The following PPFIA4 variants were observed in gnomAD, a reference collection of about 807,000 sequenced individuals.
PPFIA4 encodes PPFI scaffold protein A4.
Under a neutral mutation model 145.7 loss-of-function variants are expected in PPFIA4, and 98 were observed. The observed-to-expected ratio is 0.67, with a 90% CI of 0.57 to 0.80. The LOEUF (loss-of-function observed/expected upper bound fraction) is 0.80. PPFIA4 is among the 30% of genes least tolerant of loss of function. The pLI, the probability that PPFIA4 is intolerant of heterozygous loss-of-function variation, is 0.00. For missense variants in PPFIA4, 1,457 were observed against 1,632.7 expected (o/e 0.89, Z 1.85); for synonymous variants, 628 against 649.6 (o/e 0.97, Z 0.51).
chr1:203,062,348 C>T (rs1158222645), intron 24 of PPFIA4, among the ~76,000 whole-genome samples: 8 of 151,176 alleles, frequency 5.3e-5, no homozygotes, highest in East Asian at 3.9e-4. Flanking sequence ...GGCATGGTGG[C>T]GGGCGCCTGT....
intron 19 of PPFIA4, among the ~76,000 whole-genome samples, chr1:203,057,616 A>C (rs1661065372): frequency 6.6e-6 from 1 of 152,220 alleles, no homozygotes; most frequent in Non-Finnish European, 1.5e-5. Context: ...TTGTTCCACA[A>C]ACATTTATTG....
At chr1:203,061,098 G>A in intron 23 of PPFIA4, 66 bp downstream of exon 23, 21 of 1,493,890 alleles carry the variant, frequency 1.4e-5, no homozygotes, top group South Asian at 2.3e-5. Context: ...ATGAGGATGA[G>A]GGGAAGGCTG....
At position 203,026,495 on chromosome 1, in the gene PPFIA4, C is replaced by A. The variant is rs1658378604; in HGVS notation, c.-534C>A. The A allele has an allele frequency of 6.6e-6, 1 of 152,204 alleles. No individual in the cohort carries two copies. The highest frequency in any genetic ancestry group is 2.4e-5 in the African/African-American group (1 of 41,434). 9.4% of individuals were successfully genotyped at this position (152,204 alleles called of 1,614,324 possible). A position where few individuals can be genotyped will look rare whatever the true frequency, so the allele number is the denominator to read the frequency against. ...GGAGGAAGGGGGCGGGGCCCCGCGG[C>A]CGCGCGCTTGGGCGGCGGAGGCTGC... On this transcript the variant is annotated 5_prime_UTR_variant, in exon 1 of 30. Transcript: ENST00000295706.
At position 203,038,991 on chromosome 1, in the gene PPFIA4, G is replaced by T; in HGVS notation, c.-18G>T. ...CTCCCTGTCCCCTGACGCTGAGAAGGCCCTGCCAACCCCCACCATGTGTGA... is the reference window on the plus strand; with the variant it reads ...CTCCCTGTCCCCTGACGCTGAGAAGTCCCTGCCAACCCCCACCATGTGTGA... On this transcript the variant is annotated 5_prime_UTR_variant, in exon 2 of 30. Transcript: ENST00000295706. The T allele has an allele frequency of 7.3e-7, 1 of 1,372,118 alleles. No individual in the cohort carries two copies. Among genetic ancestry groups the T allele is most frequent in the Non-Finnish European group, 9.9e-7 (1 of 1,005,660 alleles). The allele number at this position is 1,372,118 out of a possible 1,614,324, so 85.0% of individuals were successfully genotyped here.
At chr1:203,049,337 G>A (rs561264809) in intron 12 of PPFIA4, among the ~76,000 whole-genome samples, 68 of 152,304 alleles carry the variant, frequency 4.5e-4, no homozygotes, top group African/African-American at 1.6e-3. Flanking sequence ...TGTCTGTGAG[G>A]TCTGAGGGGG....
intron 24 of PPFIA4, among the ~76,000 whole-genome samples, chr1:203,062,774 A>G (rs1661483197): frequency 6.6e-6 from 1 of 152,198 alleles, no homozygotes; most frequent in African/African-American, 2.4e-5. Context: ...AAAATTAATA[A>G]TATGTTGTTT....
intron 18 of PPFIA4, 74 bp downstream of exon 18, chr1:203,056,582 G>A: frequency 2.6e-6 from 4 of 1,544,678 alleles, no homozygotes; most frequent in Non-Finnish European, 3.5e-6. Context: ...CCTCTGCAGG[G>A]ACCGCATCTC....
chr1:203,076,491 G>T lies in PPFIA4; in HGVS notation c.*101G>T. 6 of 1,215,828 alleles carry T rather than the reference G, an allele frequency of 4.9e-6. No homozygotes were observed. Among genetic ancestry groups the T allele is most frequent in the Admixed American group, 3.5e-5 (2 of 56,648 alleles). The allele number at this position is 1,215,828 out of a possible 1,614,324, so 75.3% of individuals were successfully genotyped here. A position where few individuals can be genotyped will look rare whatever the true frequency, so the allele number is the denominator to read the frequency against. On this transcript the variant is annotated 3_prime_UTR_variant, in exon 30 of 30. Coordinates refer to ENST00000295706, the MANE Select transcript of PPFIA4 (RefSeq NM_001304331.2). The stretch of plus-strand genomic sequence containing the variant: ...CCTTCCTTCCGCAGCTCCTAGTCTC[G>T]TCCGTGACTTTCCGGTTGCCCTGGA...
At chr1:203,030,832 C>T (rs1000507116) in intron 1 of PPFIA4, among the ~76,000 whole-genome samples, 1 of 152,192 alleles carries the variant, frequency 6.6e-6, no homozygotes, top group African/African-American at 2.4e-5. Flanking sequence ...ATCCCAGATG[C>T]TTATGCATGT....
chr1:203,071,793 G>A (rs1182213097), intron 28 of PPFIA4, 33 bp downstream of exon 28: 3 of 1,565,956 alleles, frequency 1.9e-6, no homozygotes, highest in Non-Finnish European at 2.6e-6. Context: ...GGAGCCTTGG[G>A]GATTTGGTCA....
At position 203,061,529 on chromosome 1, in the gene PPFIA4, T is replaced by C; in HGVS notation, c.2848-123T>C. The C allele has an allele frequency of 3.0e-6, 3 of 1,002,652 alleles. No homozygotes were observed. In the South Asian group the frequency reaches 5.6e-5, roughly 19 times the overall value. 62.1% of individuals were successfully genotyped at this position (1,002,652 alleles called of 1,614,324 possible). A position where few individuals can be genotyped will look rare whatever the true frequency, so the allele number is the denominator to read the frequency against. ...CTCTCTTAACCATCCTGACGAGCTTTCCCCAGTCACCCAGCCAGATACTGG... is the reference window on the plus strand; with the variant it reads ...CTCTCTTAACCATCCTGACGAGCTTCCCCCAGTCACCCAGCCAGATACTGG... On this transcript the variant is annotated intron_variant, in intron 23 of 29. Coordinates refer to ENST00000295706, the MANE Select transcript of PPFIA4 (RefSeq NM_001304331.2).
At position 203,067,771 on chromosome 1, in the gene PPFIA4, G is replaced by T; in HGVS notation, c.3127G>T (p.Glu1043Ter). 6.2e-7 allele frequency: 1 copy of T among 1,613,762 alleles called. No homozygotes were observed. Among genetic ancestry groups the T allele is most frequent in the Non-Finnish European group, 8.5e-7 (1 of 1,179,852 alleles). The change falls in exon 26 of 30, where the codon GAG becomes TAG. Residue 1043 changes from glutamate (E) to a stop codon, truncating the protein, a stop_gained. Transcript: ENST00000295706. LOFTEE classifies it high-confidence loss of function. ...GAAGGAGCTGGAGAAGAGGCGAGAGGAGAGCCAGCATGAGATCAAGGGTAA... is the reference window on the plus strand; with the variant it reads ...GAAGGAGCTGGAGAAGAGGCGAGAGTAGAGCCAGCATGAGATCAAGGGTAA... ...DRKELEKRRE[E>*]SQHEIKDVLV...
Position 203,046,635 on chromosome 1 carries a change from T to C in PPFIA4, c.1140+253T>C, listed in dbSNP as rs1164192367. ...AAAGTACTTGAAGGAGAAGAAGCTA[T>C]GTTGATGCAAAGTGTTTTTCTTTTT... On this transcript the variant is annotated intron_variant, in intron 9 of 29. Coordinates refer to ENST00000295706, the MANE Select transcript of PPFIA4 (RefSeq NM_001304331.2). The C allele has an allele frequency of 7.7e-6, 3 of 389,918 alleles. No homozygotes were observed. The East Asian group carries it at 1.2e-4, about 15-fold the overall frequency. The allele number at this position is 389,918 out of a possible 1,614,324, so 24.2% of individuals were successfully genotyped here. A position where few individuals can be genotyped will look rare whatever the true frequency, so the allele number is the denominator to read the frequency against.
In PPFIA4 at chr1:203,055,694, G is replaced by A; in HGVS notation, c.2070+22G>A. The A allele has an allele frequency of 1.9e-6, 3 of 1,612,586 alleles. No individual in the cohort carries two copies. Among genetic ancestry groups the A allele is most frequent in the Non-Finnish European group, 2.5e-6 (3 of 1,178,868 alleles). ...CCTGGTGAGAGGCAGCTGAGGAGCA[G>A]GCCTGGCATCACTGGACCCTGCACC... On this transcript the variant is annotated intron_variant, in intron 16 of 29. Coordinates refer to ENST00000295706, the MANE Select transcript of PPFIA4 (RefSeq NM_001304331.2). The surrounding 1 kb of genome is among the most constrained non-coding windows in gnomAD (Gnocchi z 4.8).
rs933535205 is a variant in PPFIA4, at chr1:203,052,055, C to CCCA, written c.1620+179_1620+180insCAC. Among the ~76,000 whole-genome samples the CCCA allele has an allele frequency of 8.7e-5, 13 of 150,106 alleles. 1 individual carries two copies. The highest frequency in any genetic ancestry group is 3.5e-3 in the Middle Eastern group (1 of 288). ...AGCTGCAACAGCTGTGCCCCCCCCC[C>CCCA]CGCTTGCCTTGGCCTCCTGGTGGGC... is the stretch of plus-strand genomic sequence containing the variant. On this transcript the variant is annotated intron_variant, in intron 14 of 29. Transcript: ENST00000295706.
At chr1:203,030,232 G>A (rs547171955) in intron 1 of PPFIA4, among the ~76,000 whole-genome samples, 14 of 152,302 alleles carry the variant, frequency 9.2e-5, no homozygotes, top group Non-Finnish European at 1.6e-4. Context: ...CCCACACAGG[G>A]TGGGAAGTGG....
At chr1:203,047,931 C>A (rs1247679539) in intron 9 of PPFIA4, among the ~76,000 whole-genome samples, 1 of 152,202 alleles carries the variant, frequency 6.6e-6, no homozygotes, top group Non-Finnish European at 1.5e-5. Flanking sequence ...TCAAGTGGAG[C>A]TTTTTCTGGA....
At chr1:203,061,932 A>G (rs1165769321) in intron 24 of PPFIA4, among the ~76,000 whole-genome samples, 1 of 151,294 alleles carries the variant, frequency 6.6e-6, no homozygotes, top group Non-Finnish European at 1.5e-5. Context: ...CCTCAGTCTC[A>G]TTCTTTTCCT....
At position 203,060,942 on chromosome 1, in the gene PPFIA4, A is replaced by G; in HGVS notation, c.2785-28A>G. ...GGGATCCTGGGGACCCACACCCAGG[A>G]CCAGCTAGGTTTCCTCTCTGCCTGC... On this transcript the variant is annotated intron_variant, in intron 22 of 29. Transcript: ENST00000295706. This position sits in a 1 kb window ranked among gnomAD's most constrained non-coding sequence, Gnocchi z 4.8. The G allele has an allele frequency of 6.2e-7, 1 of 1,612,512 alleles. No individual in the cohort carries two copies. The highest frequency in any genetic ancestry group is 8.5e-7 in the Non-Finnish European group (1 of 1,178,768).
Sources: allele counts gnomAD v4.1 joint callset (sites outside exome capture counted in the v4.1 genomes callset), GRCh38; gene constraint gnomAD v4.1.1; non-coding constraint Gnocchi (gnomAD v3.1); transcripts MANE v1.5; gene names NCBI Gene and HGNC (gene_info 2026-07-23, HGNC 2026-07-21).